Variants in CLEC12A observed in about 807,000 individuals in gnomAD.
CLEC12A encodes the protein C-type lectin domain family 12 member A.
A neutral mutation model predicts 26.5 loss-of-function variants in CLEC12A; 22 were observed. The observed-to-expected ratio is 0.83, with a 90% CI of 0.59 to 1.19. The LOEUF is 1.19. Ranked by LOEUF, CLEC12A falls within the 50% of genes most tolerant of loss-of-function variation. CLEC12A has a pLI of 0.00. For synonymous variants in CLEC12A, 119 were observed against 101.9 expected, an observed-to-expected ratio of 1.17 and a Z score of -1.01; for missense variants, 353 against 315.6, an observed-to-expected ratio of 1.12 and a Z score of -0.90.
At chr12:9,973,509 C>T (rs1334861015) in intron 1 of CLEC12A, among the ~76,000 whole-genome samples, 3 of 152,100 alleles carry the variant, frequency 2.0e-5, no homozygotes, top group Non-Finnish European at 4.4e-5. Context: ...ATAAAAACAA[C>T]TCCAGTTCTG....
At chr12:9,979,927 C>T (rs1456983649) in intron 3 of CLEC12A, among the ~76,000 whole-genome samples, 1 of 152,180 alleles carries the variant, frequency 6.6e-6, no homozygotes, top group African/African-American at 2.4e-5. Flanking sequence ...TAAATTGAGA[C>T]TTCACCTTTG....
intron 4 of CLEC12A, chr12:9,991,461 C>A (rs1864891110): frequency 6.6e-6 from 1 of 151,986 alleles, no homozygotes; most frequent in African/African-American, 2.4e-5. Context: ...AGTTGAGTTG[C>A]TAATTTTGTA....
chr12:9,966,165 A>G (rs1205943343), intron 1 of CLEC12A, among the ~76,000 whole-genome samples: 1 of 152,186 alleles, frequency 6.6e-6, no homozygotes, highest in East Asian at 1.9e-4. Context: ...AGTACTTACA[A>G]CAGTTATGAA....
chr12:9,974,649 A>T (rs1864260121), intron 1 of CLEC12A, among the ~76,000 whole-genome samples: 1 of 152,256 alleles, frequency 6.6e-6, no homozygotes, highest in African/African-American at 2.4e-5. Flanking sequence ...TTCTGTTCTA[A>T]TTGCATTATA....
chr12:9,951,592 G>A (rs1305458860), intron 1 of CLEC12A: 6 of 527,660 alleles, frequency 1.1e-5, no homozygotes, highest in Admixed American at 6.3e-5. Context: ...GAGAAATTCC[G>A]AAGGAATCTC....
At chr12:9,954,376 T>C (rs1863707527) in intron 1 of CLEC12A, among the ~76,000 whole-genome samples, 1 of 152,030 alleles carries the variant, frequency 6.6e-6, no homozygotes, top group Non-Finnish European at 1.5e-5. Flanking sequence ...ATACCTGTAG[T>C]CCCAGCTACT....
chr12:10,003,290 G>T, the CLEC12A span, among the ~76,000 whole-genome samples: 1 of 152,114 alleles, frequency 6.6e-6, no homozygotes, highest in Admixed American at 6.5e-5. Flanking sequence ...AAAGTGAAAT[G>T]AGCTTTTTTT....
chr12:9,957,121 T>C (rs923443588), intron 1 of CLEC12A, among the ~76,000 whole-genome samples: 1 of 152,202 alleles, frequency 6.6e-6, no homozygotes, highest in African/African-American at 2.4e-5. Context: ...GTCTGTGCCT[T>C]TCTCCAAAGA....
chr12:9,972,488 C>G (rs1473079212), intron 1 of CLEC12A, among the ~76,000 whole-genome samples: 1 of 151,952 alleles, frequency 6.6e-6, no homozygotes, highest in Non-Finnish European at 1.5e-5. Flanking sequence ...TCTGCCCTAG[C>G]GAATCCATAG....
chr12:9,967,956 C>T (rs538457705), upstream of CLEC12A, among the ~76,000 whole-genome samples: 105 of 152,224 alleles, frequency 6.9e-4, 1 homozygote, highest in African/African-American at 2.4e-3. Flanking sequence ...TGACTGGTGC[C>T]GGAGTTTTGG....
At chr12:10,001,772 T>C in the CLEC12A span, among the ~76,000 whole-genome samples, 6 of 152,136 alleles carry the variant, frequency 3.9e-5, no homozygotes, top group African/African-American at 1.4e-4. Context: ...ACCCTCCAAG[T>C]CCCGTTATTA....
intron 1 of CLEC12A, among the ~76,000 whole-genome samples, chr12:9,953,787 A>T (rs1394799517): frequency 6.6e-6 from 1 of 152,156 alleles, no homozygotes; most frequent in East Asian, 1.9e-4. Context: ...GGTGGGGAAA[A>T]GATTGAGAAA....
intron 4 of CLEC12A, chr12:9,991,100 T>C (rs1049861564): frequency 3.3e-5 from 5 of 152,172 alleles, no homozygotes; most frequent in Non-Finnish European, 7.4e-5. Flanking sequence ...ATTGCAATAA[T>C]TGCTTTATTG....
intron 1 of CLEC12A, among the ~76,000 whole-genome samples, chr12:9,957,214 G>A (rs1044173818): frequency 6.6e-6 from 1 of 151,730 alleles, no homozygotes; most frequent in East Asian, 1.9e-4. Context: ...TGTGGGTAGG[G>A]CGGTGGCTCA....
chr12:9,988,533 C>A (rs1183827843), downstream of CLEC12A, among the ~76,000 whole-genome samples: 1 of 152,102 alleles, frequency 6.6e-6, no homozygotes, highest in African/African-American at 2.4e-5. Flanking sequence ...AACAAACAAC[C>A]CCATCAAAAA....
downstream of CLEC12A, among the ~76,000 whole-genome samples, chr12:9,989,692 T>C (rs1469289034): frequency 6.6e-6 from 1 of 152,222 alleles, no homozygotes. Context: ...GAGCAAGTTA[T>C]CCAGAAGATA....
chr12:9,983,397 G>A (rs183953468), intron 5 of CLEC12A: 10 of 587,428 alleles, frequency 1.7e-5, no homozygotes, highest in African/African-American at 5.6e-5. Flanking sequence ...GAGGAATGTG[G>A]TTATAAATAT....
At chr12:9,994,043 A>G (rs1277585064) in intron 4 of CLEC12A, among the ~76,000 whole-genome samples, 1 of 152,156 alleles carries the variant, frequency 6.6e-6, no homozygotes, top group Non-Finnish European at 1.5e-5. Flanking sequence ...GGTAAGAGTT[A>G]CAAAGAAACA....
Position 9,951,351 on chromosome 12 carries a change from G to A in CLEC12A, c.5G>A (p.Trp2Ter), listed in dbSNP as rs1159116456. The A allele has an allele frequency of 1.4e-6, 1 of 702,982 alleles. No homozygotes were observed. Among genetic ancestry groups the A allele is most frequent in the East Asian group, 2.7e-5 (1 of 37,294 alleles). The allele number at this position is 702,982 out of a possible 1,614,324, so 43.5% of individuals were successfully genotyped here. ...CCTTTCAAATTTGACTTCTGCATGTGGATAGGTGAGTGTCTTTTGTGGATA... is the reference window on the plus strand; with the variant it reads ...CCTTTCAAATTTGACTTCTGCATGTAGATAGGTGAGTGTCTTTTGTGGATA... Residue 2 changes from tryptophan (W) to a stop codon, truncating the protein, a stop_gained, in exon 1 of 7, where the codon TGG becomes TAG. Coordinates refer to the CLEC12A transcript ENST00000355690. LOFTEE classifies it high-confidence loss of function.
Sources: allele counts gnomAD v4.1 joint callset (sites outside exome capture counted in the v4.1 genomes callset), GRCh38; gene constraint gnomAD v4.1.1; transcripts MANE v1.5; gene names NCBI Gene and HGNC (gene_info 2026-07-23, HGNC 2026-07-21).